CNGA1: variants seen among roughly 807,000 people sequenced by gnomAD.
CNGA1 encodes the protein cyclic nucleotide gated channel subunit alpha 1.
Under a neutral mutation model 69.7 loss-of-function variants are expected in CNGA1, and 53 were observed. The observed-to-expected ratio is 0.76, with a 90% confidence interval of 0.61 to 0.96. The LOEUF is 0.96. CNGA1 is among the 40% of genes least tolerant of loss of function. The probability of loss-of-function intolerance (pLI) is 0.00; values close to 1 mark genes in which losing one functional copy is unlikely to be tolerated. For missense variants in CNGA1, 739 were observed against 811.2 expected (o/e 0.91, Z 1.08); for synonymous variants, 249 against 283.5 (o/e 0.88, Z 1.22).
At chr4:47,951,262 C>CA in intron 5 of CNGA1, 91 bp downstream of exon 5, 1 of 797,018 alleles carries the variant, frequency 1.3e-6, no homozygotes, top group African/African-American at 1.7e-5. Flanking sequence ...TCAAGGTCAT[C>CA]ACCATGATCT....
chr4:47,949,905 G>A lies in CNGA1; in HGVS notation c.225-10C>T. The A allele has an allele frequency of 6.2e-7, 1 of 1,613,526 alleles. No homozygotes were observed. Among genetic ancestry groups the A allele is most frequent in the East Asian group, 2.2e-5 (1 of 44,864 alleles). ...AGGCAGGTACTGCTCCCTGGGAAAT[G>A]AAAAACATGCAGTGAAATCACAGTA... On this transcript the variant is annotated splice_polypyrimidine_tract_variant and intron_variant, in intron 5 of 10. Coordinates refer to ENST00000514170, the MANE Select transcript of CNGA1 (RefSeq NM_001379270.1).
At chr4:47,938,151 G>A (rs1160968873) in intron 10 of CNGA1, among the ~76,000 whole-genome samples, 3 of 147,698 alleles carry the variant, frequency 2.0e-5, no homozygotes, top group East Asian at 4.0e-4. Context: ...ATTCCAGCCT[G>A]GGCAACAGCG....
At chr4:47,943,995 T>C (rs1220654880) in intron 6 of CNGA1, among the ~76,000 whole-genome samples, 1 of 152,224 alleles carries the variant, frequency 6.6e-6, no homozygotes, top group African/African-American at 2.4e-5. Flanking sequence ...CCTCTTTCTA[T>C]GATTAGCTTT....
At chr4:47,951,585 AAC>A (rs1392026482) in intron 4 of CNGA1, 116 bp from the exon 5 acceptor site, 2 of 731,196 alleles carry the variant, frequency 2.7e-6, no homozygotes, top group East Asian at 2.6e-5. Flanking sequence ...CTCTCAAACT[AAC>A]ACACATAACA....
At position 47,937,511 on chromosome 4, in the gene CNGA1, C is replaced by T. The variant is rs1738745726; in HGVS notation, c.971G>A (p.Gly324Glu). Residue 324 changes from glycine to glutamate, a missense_variant, in exon 11 of 11, where the codon GGA (glycine) becomes GAA (glutamate). Gly to Glu is a moderately conservative substitution (Grantham distance 98). Transcript: ENST00000514170. The part of the protein sequence containing the change: ...FYSISKAIGF[G>E]NDTWVYPDIN... ...ATCAGGGTAGACCCATGTATCATTT[C>T]CAAATCCAATAGCTTTAGAAATAGA... is the stretch of plus-strand genomic sequence containing the variant. 1.2e-6 allele frequency: 2 copies of T among 1,614,144 alleles called. No homozygotes were observed. Among genetic ancestry groups the T allele is most frequent in the East Asian group, 2.2e-5 (1 of 44,878 alleles).
chr4:47,992,652 CATTTATT>C, intron 2 of CNGA1, among the ~76,000 whole-genome samples: 1 of 118,848 alleles, frequency 8.4e-6, no homozygotes, highest in South Asian at 2.9e-4. Context: ...ATTTGGATGC[CATTTATT>C]ATTTATTTAT....
At chr4:47,953,723 A>G (rs1739883272) in intron 3 of CNGA1, among the ~76,000 whole-genome samples, 2 of 152,118 alleles carry the variant, frequency 1.3e-5, no homozygotes, top group African/African-American at 2.4e-5. Flanking sequence ...TGCCTTCTTC[A>G]CTGGCTTCAG....
intron 2 of CNGA1, among the ~76,000 whole-genome samples, chr4:48,007,598 C>A (rs911916828): frequency 1.3e-5 from 2 of 151,970 alleles, no homozygotes; most frequent in African/African-American, 4.8e-5. Context: ...GGAGTCAAAG[C>A]CCTGTAACTT....
At chr4:47,976,392 C>T (rs1741420241) in intron 3 of CNGA1, among the ~76,000 whole-genome samples, 1 of 148,038 alleles carries the variant, frequency 6.8e-6, no homozygotes, top group Non-Finnish European at 1.5e-5. Context: ...GAATGTCTTA[C>T]TTTCCCAGTA....
In CNGA1 at chr4:47,940,865, A is replaced by T. The variant is rs754827700; in HGVS notation, c.550T>A (p.Cys184Ser). The change falls in exon 10 of 11, where the codon TGT (cysteine) becomes AGT (serine). Residue 184 changes from cysteine to serine, a missense_variant. Transcript: ENST00000514170. ...TAATCAGATTGAAGTTCATCAAAAC[A>T]TGCTCTATAAAAAAAGAAACACTTG... ...YNWTMVIARACFDELQSDYLE... is the reference protein window; with the variant it reads ...YNWTMVIARASFDELQSDYLE... 2.5e-6 allele frequency: 4 copies of T among 1,599,032 alleles called. No individual in the cohort carries two copies. The African/African-American group carries it at 5.4e-5, about 21-fold the overall frequency.
intron 3 of CNGA1, among the ~76,000 whole-genome samples, chr4:47,964,366 G>A (rs1225313158): frequency 6.6e-6 from 1 of 151,986 alleles, no homozygotes; most frequent in Non-Finnish European, 1.5e-5. Flanking sequence ...TAACCCTAAA[G>A]AAAAATGAGT....
At chr4:47,952,122 G>A (rs1739779634) in intron 4 of CNGA1, among the ~76,000 whole-genome samples, 1 of 152,130 alleles carries the variant, frequency 6.6e-6, no homozygotes, top group South Asian at 2.1e-4. Flanking sequence ...CAACACTTTG[G>A]GAGGCCGAGG....
chr4:47,995,330 G>A (rs987450773), intron 2 of CNGA1, among the ~76,000 whole-genome samples: 2 of 152,210 alleles, frequency 1.3e-5, no homozygotes, highest in African/African-American at 4.8e-5. Flanking sequence ...ACTTGTTGGA[G>A]GCTTTGTTCA....
chr4:48,016,454 C>T (rs960073802), intron 1 of CNGA1, 29 bp downstream of exon 1: 64 of 272,394 alleles, frequency 2.3e-4, no homozygotes, highest in African/African-American at 1.4e-3. Context: ...CTCAGTGCAG[C>T]CTCCACTCCA....
In CNGA1 at chr4:47,937,184, C is replaced by A. The variant is rs762935052; in HGVS notation, c.1298G>T (p.Trp433Leu). ...SKDMEKRVIK[W>L]FDYLWTNKKT... is the part of the protein sequence containing the mutation. ...TTTGTTGGTCCACAGGTAGTCAAAC[C>A]ATTTAATAACCCTCTTTTCCATATC... Residue 433 changes from tryptophan (W) to leucine (L), a missense_variant, in exon 11 of 11, where the codon TGG becomes TTG. Physicochemically the swap from Trp to Leu is moderately conservative, Grantham distance 61. Transcript: ENST00000514170. 3.0e-5 allele frequency: 49 copies of A among 1,614,150 alleles called. No homozygotes were observed. In the Middle Eastern group the frequency reaches 6.6e-4, roughly 22 times the overall value.
chr4:47,941,665 C>T (rs1447384573), intron 9 of CNGA1, among the ~76,000 whole-genome samples: 1 of 152,100 alleles, frequency 6.6e-6, no homozygotes, highest in African/African-American at 2.4e-5. Flanking sequence ...GAAAAAATAA[C>T]GATTGGGTAC....
chr4:47,991,726 C>T (rs1742277546), intron 2 of CNGA1, among the ~76,000 whole-genome samples: 1 of 152,172 alleles, frequency 6.6e-6, no homozygotes, highest in East Asian at 1.9e-4. Context: ...AGTTCTTGGT[C>T]ATGAAAACTC....
chr4:48,009,416 T>C (rs894599527), intron 2 of CNGA1, among the ~76,000 whole-genome samples: 3 of 145,106 alleles, frequency 2.1e-5, no homozygotes, highest in Admixed American at 7.1e-5. Context: ...AGTGAGCTGA[T>C]ATCATGCCAC....
chr4:47,956,785 G>A (rs1045502615), intron 3 of CNGA1, among the ~76,000 whole-genome samples: 2 of 152,118 alleles, frequency 1.3e-5, no homozygotes, highest in African/African-American at 2.4e-5. Context: ...GAGGAGAAAA[G>A]CAGAGCACAT....
Sources: gnomAD v4.1 joint callset for allele counts (sites outside exome capture counted in the v4.1 genomes callset) on GRCh38, gnomAD v4.1.1 for gene constraint, MANE v1.5 for transcripts, NCBI Gene and HGNC (gene_info 2026-07-23, HGNC 2026-07-21) for gene names.